Variants in PRXL2B observed in about 807,000 individuals in gnomAD.
PRXL2B encodes the protein peroxiredoxin like 2B.
PRXL2B carries 26 observed loss-of-function variants against 24.4 expected under a neutral mutation model. The ratio of observed to expected loss-of-function variants is 1.07; its 90% CI spans 0.78 to 1.48. PRXL2B has a LOEUF of 1.48. Among genes scored for constraint, PRXL2B ranks in the 40% most tolerant of loss-of-function variants. The pLI is 0.00. For missense variants in PRXL2B, 269 were observed against 264.8 expected, an observed-to-expected ratio of 1.02 and a Z score of -0.11; for synonymous variants, 115 against 118.9, an observed-to-expected ratio of 0.97 and a Z score of 0.21.
At chr1:2,589,082 T>A in intron 6 of PRXL2B, 42 bp downstream of exon 6, 1 of 1,575,286 alleles carries the variant, frequency 6.3e-7, no homozygotes, top group Non-Finnish European at 8.7e-7. Context: ...GCCCACGCCC[T>A]GCCCCTAGGT....
At position 2,587,801 on chromosome 1, in the gene PRXL2B, G is replaced by C. The variant is rs1644564379; in HGVS notation, c.320+9G>C. On this transcript the variant is annotated intron_variant, in intron 3 of 6. Transcript: ENST00000419916. The surrounding 1 kb of genome is among the most constrained non-coding windows in gnomAD (Gnocchi z 6.1). ...GAGCTAGGCTTCAAGCGGTGAGTGG[G>C]GGCGGGAACCCTTGGGTAGCGTGGG... 9 of 1,597,994 alleles carry C rather than the reference G, an allele frequency of 5.6e-6. No individual in the cohort carries two copies. The highest frequency in any genetic ancestry group is 1.7e-5 in the Admixed American group (1 of 57,678).
rs1644589158 is a variant in PRXL2B, at chr1:2,588,630, G to A, written c.460+5G>A. On this transcript the variant is annotated splice_donor_5th_base_variant and intron_variant, in intron 5 of 6. Coordinates refer to ENST00000419916, the MANE Select transcript of PRXL2B (RefSeq NM_152371.5). The stretch of plus-strand genomic sequence containing the variant: ...GGCTGCTGGTGGTCAGCAAAGGTGG[G>A]TCGAGGGAGGGGCCTCGGCCACTGC... The A allele has an allele frequency of 1.2e-6, 2 of 1,613,330 alleles. No individual in the cohort carries two copies. Among genetic ancestry groups the A allele is most frequent in the South Asian group, 1.1e-5 (1 of 91,074 alleles).
chr1:2,587,227 G>A lies in PRXL2B; in HGVS notation c.200G>A (p.Arg67His), dbSNP rs765751080. Residue 67 changes from arginine (R) to histidine (H), a missense_variant, in exon 2 of 7, where the codon CGC becomes CAC. Transcript: ENST00000419916. The surrounding 1 kb of genome is among the most constrained non-coding windows in gnomAD (Gnocchi z 6.1). The part of the protein sequence containing the change: ...LAGLLDQHGV[R>H]LVGVGPEALG... Reference sequence around the variant, plus strand: ...GGGCTCCTGGACCAACACGGCGTGCGCCTGGTGGGCGTAGGGCCCGAGGCC... The same window carrying A: ...GGGCTCCTGGACCAACACGGCGTGCACCTGGTGGGCGTAGGGCCCGAGGCC... The A allele has an allele frequency of 7.0e-6, 11 of 1,574,190 alleles. No individual in the cohort carries two copies. In the South Asian group the frequency reaches 1.3e-4, roughly 18 times the overall value.
rs1340311124 is a variant in PRXL2B, at chr1:2,587,742, G to C, written c.270G>C (p.Glu90Asp). The change falls in exon 3 of 7, where the codon GAG (glutamate) becomes GAC (aspartate). Residue 90 changes from glutamate (E) to aspartate (D), a missense_variant and splice_region_variant. By Grantham distance (45) the Glu-to-Asp change is conservative. Coordinates refer to ENST00000419916, the MANE Select transcript of PRXL2B (RefSeq NM_152371.5). The surrounding 1 kb of genome is among the most constrained non-coding windows in gnomAD (Gnocchi z 6.1). The stretch of plus-strand genomic sequence containing the variant: ...ACACATGTGGCTTCCGCTTTCCAGA[G>C]CTCTACCTGGATGAGAGCAAGCAGC... ...EFLDGDYFAG[E>D]LYLDESKQLY... 2.7e-5 allele frequency: 44 copies of C among 1,602,314 alleles called. No individual in the cohort carries two copies. Among genetic ancestry groups the C allele is most frequent in the Non-Finnish European group, 3.7e-5 (44 of 1,174,816 alleles).
chr1:2,591,346 C>T lies in PRXL2B; in HGVS notation c.*1919C>T, dbSNP rs1040181869. 65 of 600,846 alleles carry T rather than the reference C, an allele frequency of 1.1e-4. No homozygotes were observed. Among genetic ancestry groups the T allele is most frequent in the Admixed American group, 5.3e-4 (18 of 33,802 alleles). 37.2% of individuals were successfully genotyped at this position (600,846 alleles called of 1,614,324 possible). On this transcript the variant is annotated 3_prime_UTR_variant, in exon 7 of 7. Coordinates refer to ENST00000419916, the MANE Select transcript of PRXL2B (RefSeq NM_152371.5). ...TTCACACAGAAACATTCGCAGCCTGCGGTAGGCTCCCCCTTCCTAAACCCT... is the reference window on the plus strand; with the variant it reads ...TTCACACAGAAACATTCGCAGCCTGTGGTAGGCTCCCCCTTCCTAAACCCT...
chr1:2,591,080 C>T lies in PRXL2B; in HGVS notation c.*1653C>T. ...CGAAGGCGGCCAGGTTCTGCAGCGA[C>T]CCCAGTACCCTGTGGGTGGGTGGGT... On this transcript the variant is annotated 3_prime_UTR_variant, in exon 7 of 7. Transcript: ENST00000419916. 6.3e-7 allele frequency: 1 copy of T among 1,589,168 alleles called. No homozygotes were observed. The highest frequency in any genetic ancestry group is 8.6e-7 in the Non-Finnish European group (1 of 1,168,070).
rs1570617248 is a variant in PRXL2B at position 2,587,432 on chromosome 1, C to G, written c.268+137C>G. The G allele has an allele frequency of 2.4e-5, 25 of 1,023,260 alleles. No homozygotes were observed. In the East Asian group the frequency reaches 6.3e-4, roughly 26 times the overall value. 63.4% of individuals were successfully genotyped at this position (1,023,260 alleles called of 1,614,324 possible). A position where few individuals can be genotyped will look rare whatever the true frequency, so the allele number is the denominator to read the frequency against. ...ATGCCCACGGGTCAGCGTCCCTCATCTCTCCCTGCCTCCCCGCCCCGCAGC... is the reference window on the plus strand; with the variant it reads ...ATGCCCACGGGTCAGCGTCCCTCATGTCTCCCTGCCTCCCCGCCCCGCAGC... On this transcript the variant is annotated intron_variant, in intron 2 of 6. Transcript: ENST00000419916. The surrounding 1 kb of genome is among the most constrained non-coding windows in gnomAD (Gnocchi z 6.1).
rs1570632907 is a variant in PRXL2B, at chr1:2,590,728, G to A, written c.*1301G>A. The A allele has an allele frequency of 7.7e-6, 3 of 389,408 alleles. No homozygotes were observed. The East Asian group carries it at 1.1e-4, about 14-fold the overall frequency. 24.1% of individuals were successfully genotyped at this position (389,408 alleles called of 1,614,324 possible). A position where few individuals can be genotyped will look rare whatever the true frequency, so the allele number is the denominator to read the frequency against. ...GAGGGTGGGCAGGACACAGTTGATT[G>A]TCTCTACAGAGCTGTGACGGGGGCA... On this transcript the variant is annotated 3_prime_UTR_variant, in exon 7 of 7. Transcript: ENST00000419916.
Position 2,587,757 on chromosome 1 carries a change from G to A in PRXL2B, c.285G>A (p.Glu95=), listed in dbSNP as rs146825943. The change falls in exon 3 of 7, where the codon GAG becomes GAA. Residue 95 remains glutamate (E), a synonymous_variant. Transcript: ENST00000419916. This position sits in a 1 kb window ranked among gnomAD's most constrained non-coding sequence, Gnocchi z 6.1. Reference sequence around the variant, plus strand: ...GCTTTCCAGAGCTCTACCTGGATGAGAGCAAGCAGCTTTACAAGGAGCTAG... The same window carrying A: ...GCTTTCCAGAGCTCTACCTGGATGAAAGCAAGCAGCTTTACAAGGAGCTAG... ...DYFAGELYLD[E]SKQLYKELGF... The A allele has an allele frequency of 5.0e-6, 8 of 1,602,726 alleles. No individual in the cohort carries two copies. The highest frequency in any genetic ancestry group is 6.8e-6 in the Non-Finnish European group (8 of 1,175,072).
In PRXL2B at chr1:2,591,170, C is replaced by G; in HGVS notation, c.*1743C>G. On this transcript the variant is annotated 3_prime_UTR_variant, in exon 7 of 7. Transcript: ENST00000419916. ...ATTTTAAGTTCTCCGTGATTAAAAA[C>G]CAGCCCAAAACATCAGCCTAATGGC... The G allele has an allele frequency of 5.0e-6, 5 of 1,004,138 alleles. No individual in the cohort carries two copies. The highest frequency in any genetic ancestry group is 7.2e-6 in the Non-Finnish European group (5 of 698,126). 62.2% of individuals were successfully genotyped at this position (1,004,138 alleles called of 1,614,324 possible).
intron 6 of PRXL2B, 43 bp downstream of exon 6, chr1:2,589,083 GC>G: frequency 6.3e-7 from 1 of 1,576,518 alleles, no homozygotes; most frequent in Non-Finnish European, 8.7e-7. Context: ...CCCACGCCCT[GC>G]CCCTAGGTCC....
In PRXL2B at chr1:2,589,659, A is replaced by T. The variant is rs1242465634; in HGVS notation, c.*232A>T. On this transcript the variant is annotated 3_prime_UTR_variant, in exon 7 of 7. Coordinates refer to ENST00000419916, the MANE Select transcript of PRXL2B (RefSeq NM_152371.5). Reference sequence around the variant, plus strand: ...CCGCCTTGCTCACTGTTGGGCCCTCAGGGCGGGCAGGGTGGCTGTGAGTCC... The same window carrying T: ...CCGCCTTGCTCACTGTTGGGCCCTCTGGGCGGGCAGGGTGGCTGTGAGTCC... 1.7e-6 allele frequency: 1 copy of T among 597,966 alleles called. No homozygotes were observed. The highest frequency in any genetic ancestry group is 2.9e-6 in the Non-Finnish European group (1 of 340,498). 37.0% of individuals were successfully genotyped at this position (597,966 alleles called of 1,614,324 possible). A position where few individuals can be genotyped will look rare whatever the true frequency, so the allele number is the denominator to read the frequency against.
At position 2,590,935 on chromosome 1, in the gene PRXL2B, C is replaced by G; in HGVS notation, c.*1508C>G. ...GGTCGCCGCTAGCTGCACCTTCGCACAGATGCCTCCGAGCAGCGGGTGGGC... is the reference window on the plus strand; with the variant it reads ...GGTCGCCGCTAGCTGCACCTTCGCAGAGATGCCTCCGAGCAGCGGGTGGGC... On this transcript the variant is annotated 3_prime_UTR_variant, in exon 7 of 7. Transcript: ENST00000419916. The G allele has an allele frequency of 7.4e-7, 1 of 1,360,118 alleles. No individual in the cohort carries two copies. Among genetic ancestry groups the G allele is most frequent in the Non-Finnish European group, 9.7e-7 (1 of 1,031,178 alleles). 84.3% of individuals were successfully genotyped at this position (1,360,118 alleles called of 1,614,324 possible). A position where few individuals can be genotyped will look rare whatever the true frequency, so the allele number is the denominator to read the frequency against.
rs1003919977 is a variant in PRXL2B, at chr1:2,587,637, GCAGAGGAA to G, written c.269-97_269-90del. On this transcript the variant is annotated intron_variant, in intron 2 of 6. Transcript: ENST00000419916. The surrounding 1 kb of genome is among the most constrained non-coding windows in gnomAD (Gnocchi z 6.1). ...GGGGTGGGCTGAGCACGGAGGGTGG[GCAGAGGAA>G]CAGAGGGTCGGAAGGAGGAGGGCGA... is the stretch of plus-strand genomic sequence containing the variant. The G allele has an allele frequency of 1.4e-5, 19 of 1,351,496 alleles. No individual in the cohort carries two copies. The African/African-American group carries it at 2.6e-4, about 18-fold the overall frequency. 83.7% of individuals were successfully genotyped at this position (1,351,496 alleles called of 1,614,324 possible).
intron 6 of PRXL2B, 141 bp downstream of exon 6, chr1:2,589,181 T>C: frequency 1.0e-6 from 1 of 1,004,244 alleles, no homozygotes; most frequent in Admixed American, 2.3e-5. Context: ...TGGATGCCAC[T>C]GTGACCCCAC....
At position 2,591,200 on chromosome 1, in the gene PRXL2B, G is replaced by T; in HGVS notation, c.*1773G>T. ...CCAAAACATCAGCCTAATGGCTCAT[G>T]TCAGTATGAGCAGAAACATTTCAAC... On this transcript the variant is annotated 3_prime_UTR_variant, in exon 7 of 7. Coordinates refer to ENST00000419916, the MANE Select transcript of PRXL2B (RefSeq NM_152371.5). The T allele has an allele frequency of 1.5e-6, 1 of 688,140 alleles. No homozygotes were observed. Among genetic ancestry groups the T allele is most frequent in the Non-Finnish European group, 2.4e-6 (1 of 419,134 alleles). 42.6% of individuals were successfully genotyped at this position (688,140 alleles called of 1,614,324 possible).
chr1:2,587,930 C>G lies in PRXL2B; in HGVS notation c.320+138C>G, dbSNP rs532603558. On this transcript the variant is annotated intron_variant, in intron 3 of 6. Coordinates refer to ENST00000419916, the MANE Select transcript of PRXL2B (RefSeq NM_152371.5). The surrounding 1 kb of genome is among the most constrained non-coding windows in gnomAD (Gnocchi z 6.1). ...TTCCTGGGCAAGGCGGCTCTGGTGG[C>G]ACTGTTGACCAGCCCTTCTGCCAGG... 1,932 of 923,790 alleles carry G rather than the reference C, an allele frequency of 2.1e-3. No homozygotes were observed. The highest frequency in any genetic ancestry group is 2.8e-3 in the Non-Finnish European group (1,711 of 620,852). 57.2% of individuals were successfully genotyped at this position (923,790 alleles called of 1,614,324 possible).
chr1:2,587,851 G>A lies in PRXL2B; in HGVS notation c.320+59G>A, dbSNP rs1644566185. 2.0e-6 allele frequency: 3 copies of A among 1,525,782 alleles called. No individual in the cohort carries two copies. Among genetic ancestry groups the A allele is most frequent in the Admixed American group, 1.9e-5 (1 of 51,472 alleles). The allele number at this position is 1,525,782 out of a possible 1,614,324, so 94.5% of individuals were successfully genotyped here. ...GGTGGGGGGCCCAGGGGTTCCCACCGCTCCCTGCCACCTCCTCTCCCTGCT... is the reference window on the plus strand; with the variant it reads ...GGTGGGGGGCCCAGGGGTTCCCACCACTCCCTGCCACCTCCTCTCCCTGCT... On this transcript the variant is annotated intron_variant, in intron 3 of 6. Transcript: ENST00000419916. This position sits in a 1 kb window ranked among gnomAD's most constrained non-coding sequence, Gnocchi z 6.1.
In PRXL2B at chr1:2,590,489, C is replaced by T. The variant is rs887395910; in HGVS notation, c.*1062C>T. ...GCATCCTGGTCACTGCTGGCCCTAG[C>T]ATTGGACCCTAGGAGACCTGACTGG... On this transcript the variant is annotated 3_prime_UTR_variant, in exon 7 of 7. Transcript: ENST00000419916. The T allele has an allele frequency of 6.5e-6, 1 of 153,164 alleles. No homozygotes were observed. Among genetic ancestry groups the T allele is most frequent in the Non-Finnish European group, 1.5e-5 (1 of 68,700 alleles). The allele number at this position is 153,164 out of a possible 1,614,324, so 9.5% of individuals were successfully genotyped here.
Sources: allele counts gnomAD v4.1 joint callset, GRCh38; gene constraint gnomAD v4.1.1; non-coding constraint Gnocchi (gnomAD v3.1); transcripts MANE v1.5; gene names NCBI Gene and HGNC (gene_info 2026-07-23, HGNC 2026-07-21).